The following LINGO2 variants were observed in gnomAD, a reference collection of about 807,000 sequenced individuals.
LINGO2 encodes the protein leucine-rich repeat and immunoglobulin-like domain-containing nogo receptor-interacting protein 2.
Under a neutral mutation model 30.6 loss-of-function variants are expected in LINGO2, and 14 were observed. The observed-to-expected ratio is 0.46, with a 90% confidence interval of 0.30 to 0.72. The LOEUF (loss-of-function observed/expected upper bound fraction) is 0.72. Ranked by LOEUF, LINGO2 falls within the 30% of genes least tolerant of loss-of-function variation. LINGO2 has a pLI of 0.07. For missense variants in LINGO2, 729 were observed against 751.7 expected, an observed-to-expected ratio of 0.97 and a Z score of 0.35; for synonymous variants, 317 against 288.5, an observed-to-expected ratio of 1.10 and a Z score of -1.00.
At chr9:28,203,642 A>G (rs1820314679) in intron 4 of LINGO2, among the ~76,000 whole-genome samples, 1 of 152,240 alleles carries the variant, frequency 6.6e-6, no homozygotes, top group African/African-American at 2.4e-5. Context: ...ATAAGATAAA[A>G]TAATAAACAG....
chr9:28,374,391 A>AT (rs1821039513), intron 2 of LINGO2, among the ~76,000 whole-genome samples: 2 of 152,002 alleles, frequency 1.3e-5, no homozygotes, highest in African/African-American at 4.8e-5. Flanking sequence ...GAGAAAATAA[A>AT]TTTTTAAAAA....
the LINGO2 span, among the ~76,000 whole-genome samples, chr9:28,954,532 T>A: frequency 6.6e-6 from 1 of 152,188 alleles, no homozygotes; most frequent in Non-Finnish European, 1.5e-5. Flanking sequence ...TGACTGCTAG[T>A]AACAGTCTGG....
the LINGO2 span, among the ~76,000 whole-genome samples, chr9:29,148,365 T>C: frequency 6.6e-6 from 1 of 152,154 alleles, no homozygotes; most frequent in Non-Finnish European, 1.5e-5. Context: ...CTATTCAGTA[T>C]CACCTTTCCA....
intron 4 of LINGO2, among the ~76,000 whole-genome samples, chr9:28,025,762 C>T (rs561813045): frequency 6.6e-6 from 1 of 152,164 alleles, no homozygotes; most frequent in South Asian, 2.1e-4. Flanking sequence ...GGGTAGGCTT[C>T]CCATCCAGAA....
intron 2 of LINGO2, among the ~76,000 whole-genome samples, chr9:28,417,413 A>C (rs1823007934): frequency 6.6e-6 from 1 of 152,242 alleles, no homozygotes; most frequent in Admixed American, 6.5e-5. Flanking sequence ...AGTAATTATG[A>C]TAGTAATTAT....
the LINGO2 span, among the ~76,000 whole-genome samples, chr9:28,802,403 T>C: frequency 5.9e-5 from 9 of 152,194 alleles, no homozygotes; most frequent in Non-Finnish European, 1.0e-4. Context: ...CAGTTGTCTA[T>C]AATCATTTAA....
intron 1 of LINGO2, among the ~76,000 whole-genome samples, chr9:28,510,012 T>C (rs997035687): frequency 2.0e-5 from 3 of 152,254 alleles, no homozygotes; most frequent in Non-Finnish European, 2.9e-5. Context: ...CAGCTTGCCC[T>C]GTGGCAGAGA....
the LINGO2 span, among the ~76,000 whole-genome samples, chr9:29,117,953 C>T: frequency 3.3e-5 from 5 of 152,202 alleles, no homozygotes; most frequent in East Asian, 9.6e-4. Context: ...CTCCTTCTCT[C>T]ACATATTTCT....
At chr9:28,289,867 T>A (rs1241048409) in intron 4 of LINGO2, among the ~76,000 whole-genome samples, 1 of 152,126 alleles carries the variant, frequency 6.6e-6, no homozygotes, top group African/African-American at 2.4e-5. Flanking sequence ...GACAAAGAGG[T>A]ATTCCCTCCA....
At chr9:29,204,839 TA>T in the LINGO2 span, among the ~76,000 whole-genome samples, 1 of 152,174 alleles carries the variant, frequency 6.6e-6, no homozygotes, top group Admixed American at 6.5e-5. Flanking sequence ...AAACGTTGAG[TA>T]AAAGTGATGA....
At chr9:28,037,129 G>A (rs1267413401) in intron 4 of LINGO2, among the ~76,000 whole-genome samples, 1 of 152,156 alleles carries the variant, frequency 6.6e-6, no homozygotes, top group South Asian at 2.1e-4. Flanking sequence ...TGTTAAAGTA[G>A]GAAAACGGAA....
the LINGO2 span, among the ~76,000 whole-genome samples, chr9:28,952,762 C>G: frequency 2.6e-5 from 4 of 152,038 alleles, no homozygotes; most frequent in Non-Finnish European, 5.9e-5. Context: ...CATGAATGTC[C>G]CAGCAGAGAT....
intron 1 of LINGO2, among the ~76,000 whole-genome samples, chr9:28,570,682 C>T (rs1281719391): frequency 6.6e-6 from 1 of 151,330 alleles, no homozygotes; most frequent in Non-Finnish European, 1.5e-5. Flanking sequence ...AATTCTCTGC[C>T]TTGCACATAA....
the LINGO2 span, among the ~76,000 whole-genome samples, chr9:28,981,057 C>T: frequency 6.6e-6 from 1 of 152,082 alleles, no homozygotes; most frequent in Non-Finnish European, 1.5e-5. Flanking sequence ...CTCCTAATGA[C>T]CATAATCAAC....
chr9:28,048,865 GTT>G (rs1824544561), intron 4 of LINGO2, among the ~76,000 whole-genome samples: 2 of 150,752 alleles, frequency 1.3e-5, no homozygotes, highest in Admixed American at 6.7e-5. Flanking sequence ...TGTAGTTTGT[GTT>G]TGTGTTTATG....
intron 1 of LINGO2, among the ~76,000 whole-genome samples, chr9:28,568,570 A>G (rs142506673): frequency 1.3e-5 from 2 of 152,206 alleles, no homozygotes; most frequent in East Asian, 3.9e-4. Flanking sequence ...AAAATCAAAG[A>G]CAAGAGAATT....
upstream of LINGO2, among the ~76,000 whole-genome samples, chr9:28,671,513 C>CAAAAAAAAAAA (rs11286682): frequency 1.9e-5 from 2 of 105,668 alleles, no homozygotes; most frequent in Admixed American, 1.1e-4. Flanking sequence ...TTATCTTAAG[C>CAAAAAAAAAAA]AAAAAAAAAA....
At chr9:28,424,131 C>G (rs994137527) in intron 2 of LINGO2, among the ~76,000 whole-genome samples, 7 of 152,078 alleles carry the variant, frequency 4.6e-5, no homozygotes, top group African/African-American at 1.7e-4. Flanking sequence ...AGGATCACCT[C>G]TATATAAGCC....
At chr9:28,375,673 TG>T (rs1821102273) in intron 2 of LINGO2, among the ~76,000 whole-genome samples, 2 of 152,292 alleles carry the variant, frequency 1.3e-5, no homozygotes, top group East Asian at 3.9e-4. Flanking sequence ...TCTTTGATAC[TG>T]CATCCCCAAC....
Sources: gnomAD v4.1 joint callset for allele counts (sites outside exome capture counted in the v4.1 genomes callset) on GRCh38, gnomAD v4.1.1 for gene constraint, MANE v1.5 for transcripts, NCBI Gene and HGNC (gene_info 2026-07-23, HGNC 2026-07-21) for gene names.